The following DOCK4 variants were observed in gnomAD, a reference collection of about 807,000 sequenced individuals.
The protein encoded by DOCK4 is dedicator of cytokinesis 4, also known as dedicator of cytokinesis protein 4.
In DOCK4, 97 loss-of-function variants were observed where a neutral mutation model predicts 268.1. That is an observed-to-expected ratio of 0.36 (90% confidence interval 0.31 to 0.43). DOCK4 has a LOEUF of 0.43. Ranked by LOEUF, DOCK4 falls within the 20% of genes least tolerant of loss-of-function variation. DOCK4 has a pLI of 1.00. For synonymous variants in DOCK4, 954 were observed against 887.2 expected, an observed-to-expected ratio of 1.08 and a Z score of -1.34; for missense variants, 2,145 against 2,455.7, an observed-to-expected ratio of 0.87 and a Z score of 2.67.
rs757578367 is a variant in DOCK4 at position 111,844,766 on chromosome 7, G to T, written c.2733C>A (p.Val911=). 16 of 1,612,870 alleles carry T rather than the reference G, an allele frequency of 9.9e-6. No homozygotes were observed. In the East Asian group the frequency reaches 3.3e-4, roughly 34 times the overall value. ...GCCATCTGCTCTATGATCTTACAGT[G>T]ACATCCTGGAACTGGAACCGCATTG... The part of the protein sequence containing the change: ...SSAMRFQFQD[V]TGEFVACLLS... The change falls in exon 25 of 53, where the codon GTC becomes GTA. Residue 911 remains valine, a synonymous_variant. Transcript: ENST00000428084.
At chr7:111,875,212 C>T (rs1330065173) in intron 17 of DOCK4, among the ~76,000 whole-genome samples, 7 of 152,264 alleles carry the variant, frequency 4.6e-5, no homozygotes, top group African/African-American at 9.6e-5. Flanking sequence ...CATGGAATTC[C>T]GATCCCACTT....
At chr7:112,035,381 AG>A (rs1268715457) in intron 1 of DOCK4, among the ~76,000 whole-genome samples, 1 of 152,232 alleles carries the variant, frequency 6.6e-6, no homozygotes, top group Non-Finnish European at 1.5e-5. Flanking sequence ...ATATAACCCC[AG>A]AAACATAAGA....
intron 8 of DOCK4, among the ~76,000 whole-genome samples, chr7:111,950,542 C>G (rs1338205917): frequency 6.6e-6 from 1 of 152,142 alleles, no homozygotes; most frequent in African/African-American, 2.4e-5. Context: ...ATCTTCAACT[C>G]CTAGTGAATG....
At chr7:111,947,785 A>G (rs1285160092) in intron 8 of DOCK4, among the ~76,000 whole-genome samples, 1 of 152,134 alleles carries the variant, frequency 6.6e-6, no homozygotes, top group Non-Finnish European at 1.5e-5. Flanking sequence ...GTACAGTGGC[A>G]CAATCTCGGC....
intron 1 of DOCK4, among the ~76,000 whole-genome samples, chr7:112,151,157 G>T (rs1275998660): frequency 6.6e-6 from 1 of 151,662 alleles, no homozygotes; most frequent in Non-Finnish European, 1.5e-5. Flanking sequence ...AGTTTTACAA[G>T]GAGAAGGATT....
At chr7:112,088,201 A>C (rs1010503241) in intron 1 of DOCK4, among the ~76,000 whole-genome samples, 2 of 152,122 alleles carry the variant, frequency 1.3e-5, no homozygotes, top group African/African-American at 4.8e-5. Flanking sequence ...CTGGAGGATC[A>C]GTTTTAGAGT....
intron 1 of DOCK4, among the ~76,000 whole-genome samples, chr7:112,150,844 G>C (rs981313187): frequency 6.6e-6 from 1 of 152,080 alleles, no homozygotes; most frequent in African/African-American, 2.4e-5. Context: ...CCACATTCTT[G>C]GGAACATCAG....
intron 1 of DOCK4, among the ~76,000 whole-genome samples, chr7:112,126,642 T>G (rs183905261): frequency 0.021 from 3,176 of 151,578 alleles, 109 homozygotes; most frequent in African/African-American, 0.073. Flanking sequence ...TGGGAGAAAA[T>G]TTTTGCAACC....
chr7:112,034,191 T>C (rs1307043850), intron 1 of DOCK4, among the ~76,000 whole-genome samples: 1 of 152,210 alleles, frequency 6.6e-6, no homozygotes, highest in Non-Finnish European at 1.5e-5. Flanking sequence ...CAGGTAACCA[T>C]AGTGGAATCA....
chr7:112,176,397 C>T (rs967563287), intron 1 of DOCK4, among the ~76,000 whole-genome samples: 4 of 152,156 alleles, frequency 2.6e-5, no homozygotes, highest in African/African-American at 9.7e-5. Flanking sequence ...CTTCACAATG[C>T]TCTATTTGGT....
At chr7:111,915,221 C>T (rs1221678474) in intron 13 of DOCK4, among the ~76,000 whole-genome samples, 1 of 152,186 alleles carries the variant, frequency 6.6e-6, no homozygotes, top group Non-Finnish European at 1.5e-5. Context: ...TGTAAAACTG[C>T]TTAACCCACA....
Position 111,785,163 on chromosome 7 carries a change from T to C in DOCK4, c.3402-1040A>G, listed in dbSNP as rs371639497. Among the ~76,000 whole-genome samples, 7 of 152,326 alleles carry C rather than the reference T, an allele frequency of 4.6e-5. No individual in the cohort carries two copies. In the East Asian group the frequency reaches 7.7e-4, roughly 17 times the overall value. ...TTTTTCTGGTTTATTCTAAACTGTT[T>C]CTTAGGTTAAGAGTGGAAACTGCAT... On this transcript the variant is annotated intron_variant, in intron 32 of 52. Coordinates refer to ENST00000428084, the MANE Select transcript of DOCK4 (RefSeq NM_001363540.2).
At chr7:111,842,095 C>T (rs1299961105) in intron 25 of DOCK4, among the ~76,000 whole-genome samples, 1 of 152,182 alleles carries the variant, frequency 6.6e-6, no homozygotes, top group African/African-American at 2.4e-5. Flanking sequence ...TCCTCTTCCA[C>T]GTTGAAAGTG....
At chr7:112,110,398 C>T (rs2115677007) in intron 1 of DOCK4, among the ~76,000 whole-genome samples, 1 of 152,250 alleles carries the variant, frequency 6.6e-6, no homozygotes, top group East Asian at 1.9e-4. Flanking sequence ...ACTACGTGTC[C>T]ATCCATCTTA....
chr7:111,935,868 A>C (rs1196640678), intron 11 of DOCK4, among the ~76,000 whole-genome samples: 1 of 152,302 alleles, frequency 6.6e-6, no homozygotes, highest in East Asian at 1.9e-4. Context: ...AACACTTCGC[A>C]GATTACAAGT....
chr7:112,055,728 T>G (rs1199284121), intron 1 of DOCK4, among the ~76,000 whole-genome samples: 1 of 152,012 alleles, frequency 6.6e-6, no homozygotes, highest in African/African-American at 2.4e-5. Context: ...GCCAATGTGG[T>G]GAAACCCCGT....
At chr7:112,162,475 T>C (rs550158742) in intron 1 of DOCK4, among the ~76,000 whole-genome samples, 1 of 151,726 alleles carries the variant, frequency 6.6e-6, no homozygotes, top group East Asian at 1.9e-4. Flanking sequence ...TGTGTATAGA[T>C]GTTGGGAGGA....
intron 1 of DOCK4, among the ~76,000 whole-genome samples, chr7:112,181,524 G>A (rs1045354217): frequency 6.6e-6 from 1 of 151,074 alleles, no homozygotes; most frequent in African/African-American, 2.4e-5. Context: ...AGGGATAGTG[G>A]TTTGTGCCTG....
At chr7:112,049,898 C>T (rs1805190934) in intron 1 of DOCK4, among the ~76,000 whole-genome samples, 1 of 152,152 alleles carries the variant, frequency 6.6e-6, no homozygotes, top group African/African-American at 2.4e-5. Flanking sequence ...TATTTGGAGA[C>T]TTGGTGACTT....
Sources: gnomAD v4.1 joint callset for allele counts (sites outside exome capture counted in the v4.1 genomes callset) on GRCh38, gnomAD v4.1.1 for gene constraint, MANE v1.5 for transcripts, NCBI Gene and HGNC (gene_info 2026-07-23, HGNC 2026-07-21) for gene names.